The following SYNDIG1 variants were observed in gnomAD, a reference collection of about 807,000 sequenced individuals.
SYNDIG1 encodes synapse differentiation-inducing gene protein 1.
Under a neutral mutation model 19.4 loss-of-function variants are expected in SYNDIG1, and 9 were observed. That is an observed-to-expected ratio of 0.46 (90% CI 0.28 to 0.81). The LOEUF (loss-of-function observed/expected upper bound fraction) is 0.81, where lower values mean the gene tolerates loss of function less well. Among genes scored for constraint, SYNDIG1 ranks in the 30% least tolerant of loss-of-function variants. SYNDIG1 has a pLI of 0.12. For synonymous variants in SYNDIG1, 141 were observed against 145.9 expected (o/e 0.97, Z 0.24); for missense variants, 311 against 343.3 (o/e 0.91, Z 0.74).
intron 1 of SYNDIG1, among the ~76,000 whole-genome samples, chr20:24,485,024 C>T (rs1363120834): frequency 1.3e-5 from 2 of 152,170 alleles, no homozygotes; most frequent in Non-Finnish European, 2.9e-5. Flanking sequence ...AGCAAGGTTC[C>T]TCCTTCTGTT....
chr20:24,597,518 C>A (rs1158039996), intron 3 of SYNDIG1, among the ~76,000 whole-genome samples: 1 of 152,110 alleles, frequency 6.6e-6, no homozygotes, highest in African/African-American at 2.4e-5. Flanking sequence ...TGGATCGGGG[C>A]TGGAATTCTG....
At chr20:24,534,057 G>A (rs891171053) in intron 1 of SYNDIG1, among the ~76,000 whole-genome samples, 1 of 152,008 alleles carries the variant, frequency 6.6e-6, no homozygotes, top group Non-Finnish European at 1.5e-5. Context: ...TGACAAAGGG[G>A]GAGCAAGAGA....
chr20:24,580,621 C>T (rs1041448961), intron 2 of SYNDIG1, among the ~76,000 whole-genome samples: 12 of 152,026 alleles, frequency 7.9e-5, no homozygotes, highest in African/African-American at 2.9e-4. Context: ...GTTGCCCAGG[C>T]GGGTCTCGAA....
chr20:24,616,838 T>C (rs1279348092), intron 3 of SYNDIG1, among the ~76,000 whole-genome samples: 2 of 152,170 alleles, frequency 1.3e-5, no homozygotes, highest in East Asian at 3.8e-4. Flanking sequence ...AACCCTTCAC[T>C]GAGCTACTGT....
At chr20:24,558,876 C>T (rs1365587480) in intron 2 of SYNDIG1, among the ~76,000 whole-genome samples, 1 of 152,056 alleles carries the variant, frequency 6.6e-6, no homozygotes, top group African/African-American at 2.4e-5. Context: ...TGTTATAAAT[C>T]CAACAGTAGT....
At chr20:24,506,490 G>C (rs2056594651) in intron 1 of SYNDIG1, among the ~76,000 whole-genome samples, 1 of 152,166 alleles carries the variant, frequency 6.6e-6, no homozygotes, top group Admixed American at 6.5e-5. Context: ...CAGTGCTTTG[G>C]GGATTGGCAC....
intron 1 of SYNDIG1, among the ~76,000 whole-genome samples, chr20:24,508,309 A>G (rs2056654207): frequency 7.3e-6 from 1 of 136,642 alleles, no homozygotes; most frequent in Non-Finnish European, 1.5e-5. Flanking sequence ...GCTCACTGCA[A>G]CCTCCACCTC....
At chr20:24,626,711 G>A (rs1321228574) in intron 3 of SYNDIG1, among the ~76,000 whole-genome samples, 4 of 152,244 alleles carry the variant, frequency 2.6e-5, no homozygotes, top group Admixed American at 6.5e-5. Flanking sequence ...GCACTTTGGG[G>A]GGCCAAGGCA....
At chr20:24,483,487 T>C (rs1046643247) in intron 1 of SYNDIG1, among the ~76,000 whole-genome samples, 1 of 152,246 alleles carries the variant, frequency 6.6e-6, no homozygotes, top group Non-Finnish European at 1.5e-5. Flanking sequence ...CCACGTCCTA[T>C]GCCCAGAGCT....
intron 1 of SYNDIG1, among the ~76,000 whole-genome samples, chr20:24,500,503 TTTCTTTCTTTCTTTCTTTCTTTCTTTC>T (rs1208886878): frequency 8.4e-5 from 12 of 143,454 alleles, no homozygotes; most frequent in Non-Finnish European, 1.5e-4. Context: ...TCTTTCTTTC[TTTCTTTCTTTCTTTCTTTCTTTCTTTC>T]TTCTTTCTTT....
At chr20:24,484,941 G>A (rs938599633) in intron 1 of SYNDIG1, among the ~76,000 whole-genome samples, 1 of 152,172 alleles carries the variant, frequency 6.6e-6, no homozygotes, top group Admixed American at 6.5e-5. Flanking sequence ...ATGGCTTGGT[G>A]CTATTCTTGA....
At chr20:24,504,160 G>A (rs574611657) in intron 1 of SYNDIG1, among the ~76,000 whole-genome samples, 10 of 152,186 alleles carry the variant, frequency 6.6e-5, no homozygotes, top group African/African-American at 2.4e-4. Flanking sequence ...GGGCTTCACC[G>A]TGTTAGCCAG....
chr20:24,500,349 C>A (rs1038334101), intron 1 of SYNDIG1, among the ~76,000 whole-genome samples: 1 of 152,056 alleles, frequency 6.6e-6, no homozygotes, highest in Non-Finnish European at 1.5e-5. Context: ...AGGATGGAGT[C>A]CTTTTCTATC....
rs533869335 is a variant in SYNDIG1 at position 24,571,522 on chromosome 20, C to G, written c.481-13334C>G. 3.3e-4 allele frequency among the ~76,000 whole-genome samples: 50 copies of G among 152,106 alleles called. 1 individual carries two copies. The South Asian group carries it at 9.8e-3, about 30-fold the overall frequency. On this transcript the variant is annotated intron_variant, in intron 2 of 3. Transcript: ENST00000376862. ...AATATTTCAAAGTGTATATATATAA[C>G]TTATACATATATACACAGATATACA... is the stretch of plus-strand genomic sequence containing the variant.
At chr20:24,486,464 C>G (rs1469115738) in intron 1 of SYNDIG1, among the ~76,000 whole-genome samples, 1 of 152,124 alleles carries the variant, frequency 6.6e-6, no homozygotes, top group African/African-American at 2.4e-5. Flanking sequence ...TGAGTTTAGT[C>G]TATAATATTA....
chr20:24,624,157 G>A (rs2059083352), intron 3 of SYNDIG1, among the ~76,000 whole-genome samples: 1 of 151,032 alleles, frequency 6.6e-6, no homozygotes, highest in Non-Finnish European at 1.5e-5. Context: ...AGCTACTTGG[G>A]AGGCAGAAGA....
chr20:24,520,786 T>C (rs979515635), intron 1 of SYNDIG1, among the ~76,000 whole-genome samples: 1 of 152,154 alleles, frequency 6.6e-6, no homozygotes, highest in Non-Finnish European at 1.5e-5. Context: ...CATTGTTACT[T>C]CTTATTTTTT....
At position 24,604,098 on chromosome 20, in the gene SYNDIG1, C is replaced by G. The variant is rs77134732; in HGVS notation, c.618+19105C>G. Among the ~76,000 whole-genome samples the G allele has an allele frequency of 7.8e-4, 118 of 151,498 alleles. 1 individual carries two copies. The East Asian group carries it at 0.02, about 26-fold the overall frequency. On this transcript the variant is annotated intron_variant, in intron 3 of 3. Transcript: ENST00000376862. ...TAAACCTTGTCACAAAGACAGACTT[C>G]TTTTGAAATTTGTATTATTCTTTCT...
Position 24,641,569 on chromosome 20 carries a change from G to A in SYNDIG1, c.619-23777G>A, listed in dbSNP as rs538306103. Among the ~76,000 whole-genome samples the A allele has an allele frequency of 2.5e-4, 38 of 152,180 alleles. 1 individual carries two copies. The South Asian group carries it at 3.7e-3, about 15-fold the overall frequency. On this transcript the variant is annotated intron_variant, in intron 3 of 3. Coordinates refer to ENST00000376862, the MANE Select transcript of SYNDIG1 (RefSeq NM_024893.3). ...TGTGTTATTGTTGTTAGTATTTGTC[G>A]CAACCAGCAAAATAGGTATTATAAC...
Sources: allele counts gnomAD v4.1 joint callset (sites outside exome capture counted in the v4.1 genomes callset), GRCh38; gene constraint gnomAD v4.1.1; transcripts MANE v1.5; gene names NCBI Gene and HGNC (gene_info 2026-07-23, HGNC 2026-07-21).